CCDC60: variants seen among roughly 807,000 people sequenced by gnomAD.
CCDC60 encodes coiled-coil domain-containing protein 60.
A neutral mutation model predicts 63.5 loss-of-function variants in CCDC60; 54 were observed. That is an observed-to-expected ratio of 0.85 (90% confidence interval 0.68 to 1.07). CCDC60 has a LOEUF of 1.07. CCDC60 is among the 50% of genes least tolerant of loss of function. The pLI is 0.00. For missense variants in CCDC60, 651 were observed against 684.3 expected, an observed-to-expected ratio of 0.95 and a Z score of 0.54; for synonymous variants, 206 against 238.8, an observed-to-expected ratio of 0.86 and a Z score of 1.27.
intron 1 of CCDC60, among the ~76,000 whole-genome samples, chr12:119,345,913 G>C (rs1224646568): frequency 6.6e-6 from 1 of 151,670 alleles, no homozygotes; most frequent in African/African-American, 2.4e-5. Flanking sequence ...CACCTCCCGG[G>C]TTCAAGGGAT....
At chr12:119,398,382 A>G (rs1196703005) in intron 1 of CCDC60, among the ~76,000 whole-genome samples, 1 of 152,046 alleles carries the variant, frequency 6.6e-6, no homozygotes, top group Non-Finnish European at 1.5e-5. Flanking sequence ...CTGGCCTGGG[A>G]GCATGGCACG....
At chr12:119,411,108 CTG>C (rs1593048102) in intron 1 of CCDC60, among the ~76,000 whole-genome samples, 1 of 152,122 alleles carries the variant, frequency 6.6e-6, no homozygotes, top group Admixed American at 6.5e-5. Context: ...CAAGGGAAAA[CTG>C]TGTTTTTATG....
intron 1 of CCDC60, among the ~76,000 whole-genome samples, chr12:119,368,903 T>C (rs942108039): frequency 1.3e-5 from 2 of 152,208 alleles, no homozygotes; most frequent in African/African-American, 4.8e-5. Context: ...AACCTGATCG[T>C]TTCGTAGTTC....
At chr12:119,366,451 C>T (rs1203797950) in intron 1 of CCDC60, among the ~76,000 whole-genome samples, 1 of 152,150 alleles carries the variant, frequency 6.6e-6, no homozygotes, top group Non-Finnish European at 1.5e-5. Flanking sequence ...TGATTTGAAC[C>T]TTTGCTCTCT....
At chr12:119,439,135 C>CT (rs1950384788) in intron 2 of CCDC60, among the ~76,000 whole-genome samples, 1 of 107,100 alleles carries the variant, frequency 9.3e-6, no homozygotes, top group South Asian at 3.7e-4. Flanking sequence ...ACAGTATATA[C>CT]ATCCCTTTTC....
chr12:119,450,814 C>A (rs1593106195), intron 2 of CCDC60, among the ~76,000 whole-genome samples: 1 of 150,902 alleles, frequency 6.6e-6, no homozygotes, highest in African/African-American at 2.4e-5. Context: ...GCTGAGTTCA[C>A]GCGACTGCAC....
At chr12:119,385,399 T>C (rs1472374230) in intron 1 of CCDC60, among the ~76,000 whole-genome samples, 4 of 152,182 alleles carry the variant, frequency 2.6e-5, no homozygotes, top group Non-Finnish European at 5.9e-5. Flanking sequence ...TGATGGAAGA[T>C]AATTGAATCA....
chr12:119,448,190 A>AG (rs981861001), intron 2 of CCDC60, among the ~76,000 whole-genome samples: 7 of 152,180 alleles, frequency 4.6e-5, no homozygotes, highest in South Asian at 2.1e-4. Context: ...AAAAAAAAAA[A>AG]GGTAACAATG....
chr12:119,440,264 C>G (rs908878155), intron 2 of CCDC60, among the ~76,000 whole-genome samples: 6 of 152,208 alleles, frequency 3.9e-5, no homozygotes, highest in African/African-American at 1.4e-4. Context: ...GGCACGGTGG[C>G]TCACGTCTGT....
chr12:119,353,492 G>GTCTCTGTC (rs1555231095), intron 1 of CCDC60, among the ~76,000 whole-genome samples: 1 of 150,848 alleles, frequency 6.6e-6, no homozygotes, highest in Non-Finnish European at 1.5e-5. Context: ...CTCTGTCTCT[G>GTCTCTGTC]TCTCTCTGTC....
At chr12:119,368,768 G>A (rs193097754) in intron 1 of CCDC60, among the ~76,000 whole-genome samples, 9 of 152,276 alleles carry the variant, frequency 5.9e-5, no homozygotes, top group Non-Finnish European at 7.3e-5. Flanking sequence ...ATCCCTGCTC[G>A]TAATTAACGT....
At chr12:119,512,552 G>A (rs530295401) in intron 7 of CCDC60, among the ~76,000 whole-genome samples, 1 of 152,190 alleles carries the variant, frequency 6.6e-6, no homozygotes, top group African/African-American at 2.4e-5. Context: ...ACCCTACCAG[G>A]TGCAATGGAT....
At chr12:119,356,542 T>G (rs1032646042) in intron 1 of CCDC60, among the ~76,000 whole-genome samples, 1 of 152,216 alleles carries the variant, frequency 6.6e-6, no homozygotes, top group Non-Finnish European at 1.5e-5. Flanking sequence ...GTGCAGAATA[T>G]GACCAGAATT....
At chr12:119,356,082 A>G (rs1176113498) in intron 1 of CCDC60, among the ~76,000 whole-genome samples, 1 of 152,266 alleles carries the variant, frequency 6.6e-6, no homozygotes, top group Non-Finnish European at 1.5e-5. Flanking sequence ...CATCTTCCGC[A>G]AATAGTGGAC....
intron 1 of CCDC60, among the ~76,000 whole-genome samples, chr12:119,405,312 G>A (rs1956467472): frequency 6.6e-6 from 1 of 152,206 alleles, no homozygotes; most frequent in South Asian, 2.1e-4. Context: ...AAGTAATTAA[G>A]GAGATAATTC....
intron 2 of CCDC60, among the ~76,000 whole-genome samples, chr12:119,440,328 A>G (rs1950417134): frequency 6.6e-6 from 1 of 152,152 alleles, no homozygotes; most frequent in African/African-American, 2.4e-5. Flanking sequence ...CAGGAGATCA[A>G]GACCATCCTG....
intron 2 of CCDC60, among the ~76,000 whole-genome samples, chr12:119,447,121 G>C (rs1950557220): frequency 6.6e-6 from 1 of 152,170 alleles, no homozygotes. Flanking sequence ...CCGTGGTCCT[G>C]GAAAGAGGTT....
intron 7 of CCDC60, among the ~76,000 whole-genome samples, chr12:119,513,279 T>G (rs1049640464): frequency 6.6e-6 from 1 of 152,192 alleles, no homozygotes; most frequent in African/African-American, 2.4e-5. Context: ...ATTTTCCAAC[T>G]TTTTGGAGTG....
chr12:119,440,021 A>G (rs1485475693), intron 2 of CCDC60, among the ~76,000 whole-genome samples: 2 of 149,266 alleles, frequency 1.3e-5, no homozygotes, highest in African/African-American at 2.5e-5. Context: ...ATGAGAACAC[A>G]TGGACACAGG....
Sources: gnomAD v4.1 joint callset for allele counts (sites outside exome capture counted in the v4.1 genomes callset) on GRCh38, gnomAD v4.1.1 for gene constraint, MANE v1.5 for transcripts, NCBI Gene and HGNC (gene_info 2026-07-23, HGNC 2026-07-21) for gene names.